ERAP1: variants seen among roughly 807,000 people sequenced by gnomAD.
ERAP1 encodes endoplasmic reticulum aminopeptidase 1, also known as adipocyte-derived leucine aminopeptidase.
A neutral mutation model predicts 103.7 loss-of-function variants in ERAP1; 86 were observed. The ratio of observed to expected loss-of-function variants is 0.83; its 90% CI spans 0.70 to 0.99. The LOEUF (loss-of-function observed/expected upper bound fraction) is 0.99. ERAP1 is among the 50% of genes least tolerant of loss of function. The pLI is 0.00. For synonymous variants in ERAP1, 398 were observed against 402.4 expected (o/e 0.99, Z 0.13); for missense variants, 1,009 against 1,128.4 (o/e 0.89, Z 1.52).
intron 4 of ERAP1, among the ~76,000 whole-genome samples, chr5:96,796,127 A>T (rs1777320935): frequency 6.6e-6 from 1 of 152,176 alleles, no homozygotes; most frequent in African/African-American, 2.4e-5. Flanking sequence ...CCAGTTAAGT[A>T]AAGATACCTC....
chr5:96,913,374 C>T, the ERAP1 span: 1 of 1,614,084 alleles, frequency 6.2e-7, no homozygotes, highest in Non-Finnish European at 8.5e-7. Context: ...TGGCAGCTCT[C>T]CTTCATGCGA....
chr5:96,855,975 G>A, the ERAP1 span, among the ~76,000 whole-genome samples: 1 of 152,036 alleles, frequency 6.6e-6, no homozygotes. Context: ...ACACACAGAA[G>A]AAAGATTATT....
In ERAP1 at chr5:96,781,741, T is replaced by G; in HGVS notation, c.2399A>C (p.Gln800Pro). 1 of 1,614,222 alleles carries G rather than the reference T, an allele frequency of 6.2e-7. No individual in the cohort carries two copies. Residue 800 changes from glutamine (Q) to proline (P), a missense_variant, in exon 16 of 19, where the codon CAA becomes CCA. Gln to Pro is a moderately conservative substitution (Grantham distance 76, BLOSUM62 -1). Transcript: ENST00000443439. ...QFSLSSTEKS[Q>P]IEFALCRTQN... is the part of the protein sequence containing the mutation. ...GGTTCTGCAGAGGGCAAATTCAATT[T>G]GGCTTTTCTCAGTACTGGACAAAGA...
chr5:96,822,743 A>G, the ERAP1 span, among the ~76,000 whole-genome samples: 1 of 152,202 alleles, frequency 6.6e-6, no homozygotes, highest in African/African-American at 2.4e-5. Context: ...TGATAAAGAC[A>G]TACCCGAGAC....
the ERAP1 span, among the ~76,000 whole-genome samples, chr5:96,925,911 CTTTTTTT>C: frequency 9.5e-6 from 1 of 105,672 alleles, no homozygotes; most frequent in Non-Finnish European, 1.9e-5. Context: ...GTATAATTTG[CTTTTTTT>C]TTTTTTTTTT....
chr5:96,924,934 C>A, the ERAP1 span, among the ~76,000 whole-genome samples: 17 of 152,138 alleles, frequency 1.1e-4, no homozygotes, highest in Non-Finnish European at 2.2e-4. Flanking sequence ...TATCTTCTGA[C>A]TTTTATGGAA....
At chr5:96,785,493 A>G (rs1775873785) in intron 13 of ERAP1, 2 of 406,024 alleles carry the variant, frequency 4.9e-6, no homozygotes, top group East Asian at 5.6e-5. Flanking sequence ...GGGACAAGGC[A>G]AGGAGTTTCG....
chr5:96,889,597 G>C, the ERAP1 span: 1 of 664,718 alleles, frequency 1.5e-6, no homozygotes, highest in African/African-American at 1.8e-5. Context: ...AGGCTGGGAC[G>C]GAAGCCAGGT....
chr5:96,898,257 G>C, the ERAP1 span, among the ~76,000 whole-genome samples: 1 of 151,714 alleles, frequency 6.6e-6, no homozygotes, highest in Non-Finnish European at 1.5e-5. Flanking sequence ...AGAATAAAAA[G>C]CACTTTCATG....
chr5:96,912,760 T>C, the ERAP1 span: 7 of 1,601,694 alleles, frequency 4.4e-6, no homozygotes, highest in East Asian at 2.3e-5. Flanking sequence ...AAATTCTGTA[T>C]GCTTTGTCAA....
rs548815514 is a variant in ERAP1 at position 96,780,436 on chromosome 5, G to A, written c.2657C>T (p.Thr886Ile). Residue 886 changes from threonine to isoleucine, a missense_variant, in exon 18 of 19, where the codon ACA (threonine) becomes ATA (isoleucine). By Grantham distance (89) the Thr-to-Ile change is moderately conservative. This residue lies in a region of ERAP1 where 611 missense variants were observed against 651.7 expected (regional missense o/e 0.94). Coordinates refer to ENST00000443439, the MANE Select transcript of ERAP1 (RefSeq NM_001040458.3). ...TTTTTTTTTTACCTCTTCAAGCCGTGTTCTTGTGGAGAATTGATTTGTTGT... is the reference window on the plus strand; with the variant it reads ...TTTTTTTTTTACCTCTTCAAGCCGTATTCTTGTGGAGAATTGATTTGTTGT... ...MGTTNQFSTR[T>I]RLEEVKGFFS... 5.6e-6 allele frequency: 9 copies of A among 1,608,310 alleles called. No individual in the cohort carries two copies. In the South Asian group the frequency reaches 7.8e-5, roughly 14 times the overall value.
At chr5:96,906,512 C>T in the ERAP1 span, among the ~76,000 whole-genome samples, 2 of 152,196 alleles carry the variant, frequency 1.3e-5, no homozygotes, top group African/African-American at 4.8e-5. Context: ...AAGCAATCCT[C>T]CTGCCTCGGC....
chr5:96,818,088 A>G, the ERAP1 span, among the ~76,000 whole-genome samples: 1 of 152,240 alleles, frequency 6.6e-6, no homozygotes, highest in African/African-American at 2.4e-5. Flanking sequence ...AATTAAGAAC[A>G]AAAAATAATA....
the ERAP1 span, chr5:96,915,554 T>C: frequency 2.3e-6 from 1 of 430,918 alleles, no homozygotes; most frequent in Admixed American, 4.3e-5. Context: ...GTTATTATGG[T>C]AATTCACCGT....
the ERAP1 span, among the ~76,000 whole-genome samples, chr5:96,894,255 A>G: frequency 3.9e-5 from 6 of 152,192 alleles, no homozygotes; most frequent in Non-Finnish European, 7.4e-5. Context: ...TTTATCCTGT[A>G]CTTCTTATAT....
At chr5:96,767,195 T>G (rs1388816519) in intron 19 of ERAP1, among the ~76,000 whole-genome samples, 1 of 152,240 alleles carries the variant, frequency 6.6e-6, no homozygotes, top group Non-Finnish European at 1.5e-5. Context: ...AAATAGTGTT[T>G]CTTTCACTTC....
At chr5:96,804,291 G>A (rs571817946) in intron 1 of ERAP1, 1 of 345,664 alleles carries the variant, frequency 2.9e-6, no homozygotes, top group South Asian at 2.4e-5. Flanking sequence ...TCACTACACG[G>A]GTCACAGAGT....
rs1374588334 is a variant in ERAP1 at position 96,803,572 on chromosome 5, G to T, written c.355C>A (p.Pro119Thr). ...CGGGGGTGTTCCAGGACCTGCAGGG[G>T]TTCTTCCGATAGCCTCTCTCCAGCT... Reference protein sequence around the residue: ...KGAGERLSEEPLQVLEHPRQE... With the variant: ...KGAGERLSEETLQVLEHPRQE... Residue 119 changes from proline (P) to threonine (T), a missense_variant, in exon 2 of 19, where the codon CCC (proline) becomes ACC (threonine). By Grantham distance (38) the Pro-to-Thr change is conservative. This residue lies in a region of ERAP1 where 392 missense variants were observed against 455.2 expected (regional missense o/e 0.86). Coordinates refer to ENST00000443439, the MANE Select transcript of ERAP1 (RefSeq NM_001040458.3). The T allele has an allele frequency of 6.2e-7, 1 of 1,614,036 alleles. No homozygotes were observed. The highest frequency in any genetic ancestry group is 8.5e-7 in the Non-Finnish European group (1 of 1,179,906).
chr5:96,864,948 A>G, the ERAP1 span, among the ~76,000 whole-genome samples: 1 of 152,194 alleles, frequency 6.6e-6, no homozygotes, highest in South Asian at 2.1e-4. Flanking sequence ...TAATAATCTG[A>G]AAGACATGGA....
Sources: allele counts gnomAD v4.1 joint callset (sites outside exome capture counted in the v4.1 genomes callset), GRCh38; gene constraint gnomAD v4.1.1; regional missense constraint gnomAD v4.1.1; transcripts MANE v1.5; gene names NCBI Gene and HGNC (gene_info 2026-07-23, HGNC 2026-07-21).